Variants in FSTL1 observed in about 807,000 individuals in gnomAD.
FSTL1 encodes the protein follistatin-related protein 1.
FSTL1 carries 24 observed loss-of-function variants against 45.9 expected under a neutral mutation model. That is an observed-to-expected ratio of 0.52 (90% confidence interval 0.38 to 0.74). FSTL1 has a LOEUF of 0.74. Ranked by LOEUF, FSTL1 falls within the 30% of genes least tolerant of loss-of-function variation. The pLI is 0.00. For synonymous variants in FSTL1, 120 were observed against 137.6 expected (o/e 0.87, Z 0.89); for missense variants, 340 against 381.8 (o/e 0.89, Z 0.91).
chr3:120,403,243 C>T lies in FSTL1; in HGVS notation c.693G>A (p.Lys231=), dbSNP rs894351664. The change falls in exon 8 of 11, where the codon AAG becomes AAA. Residue 231 remains lysine (K), a splice_region_variant and synonymous_variant. Transcript: ENST00000295633. Reference sequence around the variant, plus strand: ...CTCTATTTCTTAGGTTAGGCATACTCTTCTCAGGAGGGTTGAAAGATGGGT... The same window carrying T: ...CTCTATTTCTTAGGTTAGGCATACTTTTCTCAGGAGGGTTGAAAGATGGGT... ...CLNPSFNPPE[K]KCALEDETYA... The T allele has an allele frequency of 3.9e-6, 6 of 1,542,710 alleles. No homozygotes were observed. Among genetic ancestry groups the T allele is most frequent in the Admixed American group, 1.7e-5 (1 of 59,930 alleles).
intron 2 of FSTL1, among the ~76,000 whole-genome samples, chr3:120,447,368 C>G (rs772929336): frequency 6.6e-6 from 1 of 151,962 alleles, no homozygotes; most frequent in Non-Finnish European, 1.5e-5. Context: ...CTGCTGCCCT[C>G]TCTGCCTAGT....
In FSTL1 at chr3:120,395,576, T is replaced by C. The variant is rs551710751; in HGVS notation, c.*1376A>G. ...CTGCTTTACCCATGAGGACTCCATA[T>C]CATAGCACGACCTGTAGGGTCATCA... On this transcript the variant is annotated 3_prime_UTR_variant, in exon 11 of 11. Transcript: ENST00000295633. The C allele has an allele frequency of 1.6e-5, 8 of 488,242 alleles. No homozygotes were observed. The East Asian group carries it at 3.1e-4, about 19-fold the overall frequency. The allele number at this position is 488,242 out of a possible 1,614,324, so 30.2% of individuals were successfully genotyped here.
chr3:120,410,868 G>T, intron 5 of FSTL1, 84 bp downstream of exon 5: 2 of 1,045,604 alleles, frequency 1.9e-6, no homozygotes, highest in Non-Finnish European at 3.0e-6. Flanking sequence ...TTATGAGCTT[G>T]GCAGGGATTG....
chr3:120,450,549 C>G, intron 2 of FSTL1, 135 bp downstream of exon 2: 1 of 544,180 alleles, frequency 1.8e-6, no homozygotes, highest in South Asian at 2.5e-5. Context: ...CCCAGCTCCA[C>G]CCCAGCACAC....
chr3:120,443,430 T>A (rs1937668167), intron 2 of FSTL1, among the ~76,000 whole-genome samples: 1 of 149,966 alleles, frequency 6.7e-6, no homozygotes, highest in Non-Finnish European at 1.5e-5. Context: ...ACTAGCATAA[T>A]GCCTGACACT....
At chr3:120,405,888 A>G (rs1239865556) in intron 6 of FSTL1, among the ~76,000 whole-genome samples, 1 of 151,946 alleles carries the variant, frequency 6.6e-6, no homozygotes, top group Non-Finnish European at 1.5e-5. Flanking sequence ...TTTCAATAAC[A>G]TTTTCCCCCT....
chr3:120,446,970 A>G (rs1487010676), intron 2 of FSTL1, among the ~76,000 whole-genome samples: 1 of 152,238 alleles, frequency 6.6e-6, no homozygotes, highest in Non-Finnish European at 1.5e-5. Flanking sequence ...CATGTGACTT[A>G]TCATAATGAA....
At chr3:120,419,279 C>T (rs1382122547) in intron 2 of FSTL1, 1 of 152,230 alleles carries the variant, frequency 6.6e-6, no homozygotes, top group Non-Finnish European at 1.5e-5. Context: ...CCTCATAGCC[C>T]TCCCCAGTGA....
At position 120,395,440 on chromosome 3, in the gene FSTL1, ACTTT is replaced by A. The variant is rs1936676552; in HGVS notation, c.*1508_*1511del. 1 of 342,152 alleles carries A rather than the reference ACTTT, an allele frequency of 2.9e-6. No individual in the cohort carries two copies. The highest frequency in any genetic ancestry group is 4.3e-5 in the Admixed American group (1 of 23,348). The allele number at this position is 342,152 out of a possible 1,614,324, so 21.2% of individuals were successfully genotyped here. A position where few individuals can be genotyped will look rare whatever the true frequency, so the allele number is the denominator to read the frequency against. ...TTTTCTTCCCCCTGTTGAATCTGAA[ACTTT>A]CTTTTATCCTCATCTCTAAGGGAAT... On this transcript the variant is annotated 3_prime_UTR_variant, in exon 11 of 11. Transcript: ENST00000295633.
chr3:120,403,482 A>C (rs1277389944), intron 7 of FSTL1, 128 bp from the exon 8 acceptor site: 67 of 625,394 alleles, frequency 1.1e-4, no homozygotes, highest in Admixed American at 2.8e-5. Context: ...GCTAACTAAA[A>C]CAGCCTCTCT....
chr3:120,396,992 G>C lies in FSTL1; in HGVS notation c.887C>G (p.Thr296Arg), dbSNP rs1245615680. Reference protein sequence around the residue: ...YVQELQKHQETAEKTKRVSTK... With the variant: ...YVQELQKHQERAEKTKRVSTK... The stretch of plus-strand genomic sequence containing the variant: ...GCTCACTCTCTTGGTCTTTTCAGCT[G>C]TTTCCTTTGAGATGCAAGAGAAAAT... Residue 296 changes from threonine (T) to arginine (R), a missense_variant, in exon 11 of 11, where the codon ACA becomes AGA. By Grantham distance (71) the Thr-to-Arg change is moderately conservative. Coordinates refer to ENST00000295633, the MANE Select transcript of FSTL1 (RefSeq NM_007085.5). The C allele has an allele frequency of 1.9e-6, 3 of 1,610,276 alleles. No homozygotes were observed. The highest frequency in any genetic ancestry group is 1.7e-6 in the Non-Finnish European group (2 of 1,176,694).
chr3:120,403,961 CAAAA>C (rs57786208), intron 7 of FSTL1, among the ~76,000 whole-genome samples: 1 of 75,772 alleles, frequency 1.3e-5, no homozygotes, highest in African/African-American at 5.9e-5. Context: ...CAAAACAAAA[CAAAA>C]ACAAAAACAA....
intron 6 of FSTL1, 95 bp from the exon 7 acceptor site, chr3:120,405,066 T>C (rs1936922017): frequency 1.3e-6 from 1 of 752,646 alleles, no homozygotes; most frequent in Non-Finnish European, 2.5e-6. Flanking sequence ...ATTCATCTTG[T>C]TCTTGATACA....
At chr3:120,449,161 G>A (rs1214737180) in intron 2 of FSTL1, among the ~76,000 whole-genome samples, 1 of 152,206 alleles carries the variant, frequency 6.6e-6, no homozygotes, top group African/African-American at 2.4e-5. Context: ...AGGTAAGAGA[G>A]GTAGGTTCAG....
At chr3:120,408,859 T>C (rs1209443998) in intron 6 of FSTL1, among the ~76,000 whole-genome samples, 1 of 152,186 alleles carries the variant, frequency 6.6e-6, no homozygotes, top group African/African-American at 2.4e-5. Flanking sequence ...AAGAATGCCC[T>C]TAATTGCTTC....
chr3:120,429,865 T>G (rs1216391385), intron 2 of FSTL1, among the ~76,000 whole-genome samples: 2 of 152,164 alleles, frequency 1.3e-5, no homozygotes, highest in Non-Finnish European at 2.9e-5. Context: ...ATTTCACACT[T>G]TGTCACCTAA....
intron 2 of FSTL1, among the ~76,000 whole-genome samples, chr3:120,446,112 A>C (rs1472360656): frequency 2.0e-5 from 3 of 152,230 alleles, no homozygotes; most frequent in Non-Finnish European, 4.4e-5. Context: ...ATTCTGCCAG[A>C]TGTCCAGTTA....
intron 2 of FSTL1, among the ~76,000 whole-genome samples, chr3:120,433,266 G>C (rs552070561): frequency 6.6e-6 from 1 of 152,326 alleles, no homozygotes; most frequent in African/African-American, 2.4e-5. Context: ...GGGACTGAGA[G>C]ACTTAGAATC....
chr3:120,413,823 G>A (rs1417109785), intron 3 of FSTL1, among the ~76,000 whole-genome samples: 1 of 1,942 alleles, frequency 5.1e-4, no homozygotes, highest in African/African-American at 2.0e-3. Context: ...CTCTTTCCAC[G>A]GTCTCCCTCT....
Sources: gnomAD v4.1 joint callset for allele counts (sites outside exome capture counted in the v4.1 genomes callset) on GRCh38, gnomAD v4.1.1 for gene constraint, MANE v1.5 for transcripts, NCBI Gene and HGNC (gene_info 2026-07-23, HGNC 2026-07-21) for gene names.